KIF17: variants seen among roughly 807,000 people sequenced by gnomAD.
KIF17 encodes the protein kinesin-like protein KIF17.
In KIF17, 80 loss-of-function variants were observed where a neutral mutation model predicts 96.8. That is an observed-to-expected ratio of 0.83 (90% CI 0.69 to 1.00). The LOEUF (loss-of-function observed/expected upper bound fraction) is 1.00, where lower values mean the gene tolerates loss of function less well. Among genes scored for constraint, KIF17 ranks in the 50% least tolerant of loss-of-function variants. The pLI is 0.00. For synonymous variants in KIF17, 567 were observed against 587.5 expected (o/e 0.97, Z 0.51); for missense variants, 1,280 against 1,372.9 (o/e 0.93, Z 1.07).
rs970555538 is a variant in KIF17 at position 20,674,664 on chromosome 1, C to T, written c.2464-2468G>A. On this transcript the variant is annotated intron_variant, in intron 11 of 14. Transcript: ENST00000400463. ...CCAAGGTAGCAAAGATTTACACCTA[C>T]GTTTTCTTCCAAGAGTTTTACAGTT... Among the ~76,000 whole-genome samples the T allele has an allele frequency of 4.0e-5, 6 of 151,456 alleles. No individual in the cohort carries two copies. In the East Asian group the frequency reaches 9.7e-4, roughly 24 times the overall value.
At position 20,710,254 on chromosome 1, in the gene KIF17, G is replaced by A. The variant is rs545376821; in HGVS notation, c.481-426C>T. 6.6e-5 allele frequency among the ~76,000 whole-genome samples: 10 copies of A among 152,326 alleles called. No individual in the cohort carries two copies. The South Asian group carries it at 2.1e-3, about 32-fold the overall frequency. On this transcript the variant is annotated intron_variant, in intron 3 of 14. Coordinates refer to ENST00000400463, the MANE Select transcript of KIF17 (RefSeq NM_001122819.3). The stretch of plus-strand genomic sequence containing the variant: ...GGTGGGTTTCCTTTAGGGAGCTTCA[G>A]ATCCCAGGGGCTGAGCCTGTCGTCA...
At chr1:20,681,478 C>G (rs140852414) in intron 11 of KIF17, among the ~76,000 whole-genome samples, 1 of 151,930 alleles carries the variant, frequency 6.6e-6, no homozygotes, top group Non-Finnish European at 1.5e-5. Flanking sequence ...AGGCGAGAGC[C>G]ACCGCGCCCA....
chr1:20,669,669 C>G (rs570015978), intron 13 of KIF17, among the ~76,000 whole-genome samples: 227 of 149,514 alleles, frequency 1.5e-3, no homozygotes, highest in African/African-American at 5.2e-3. Context: ...GTCAAGAGAT[C>G]GAGACCATCC....
chr1:20,711,954 G>C (rs979262101), intron 3 of KIF17, among the ~76,000 whole-genome samples: 2 of 152,092 alleles, frequency 1.3e-5, no homozygotes, highest in Admixed American at 1.3e-4. Flanking sequence ...GTTTACATGA[G>C]AGCCATCTGC....
chr1:20,694,114 T>G (rs1478609018), intron 6 of KIF17: 1 of 152,126 alleles, frequency 6.6e-6, no homozygotes, highest in Non-Finnish European at 1.5e-5. Context: ...TTTTTTTTTT[T>G]TCAGACAGAG....
Position 20,705,893 on chromosome 1 carries a change from C to CTTTTTTTTTT in KIF17, c.671-1004_671-995dup, listed in dbSNP as rs747719983. On this transcript the variant is annotated intron_variant, in intron 4 of 14. Transcript: ENST00000400463. ...GTCTATAATCCTCAGTAGGATGTCT[C>CTTTTTTTTTT]TTTTTTTTTTTTTTTTTTTTTTTTT... Among the ~76,000 whole-genome samples the CTTTTTTTTTT allele has an allele frequency of 3.4e-4, 18 of 53,566 alleles. 1 individual carries two copies. The highest frequency in any genetic ancestry group is 4.3e-4 in the East Asian group (1 of 2,300). 35.1% of individuals were successfully genotyped at this position (53,566 alleles called of 152,430 possible).
At chr1:20,705,718 T>TGC (rs2054329132) in intron 4 of KIF17, among the ~76,000 whole-genome samples, 1 of 152,076 alleles carries the variant, frequency 6.6e-6, no homozygotes, top group Non-Finnish European at 1.5e-5. Flanking sequence ...CGGAAGCCTC[T>TGC]GGAATCTATC....
rs76507805 is a variant in KIF17 at position 20,704,517 on chromosome 1, G to A, written c.1053C>T (p.Arg351=). The change falls in exon 5 of 15, where the codon CGC becomes CGT. Residue 351 remains arginine, a synonymous_variant. Coordinates refer to ENST00000400463, the MANE Select transcript of KIF17 (RefSeq NM_001122819.3). This position sits in a 1 kb window ranked among gnomAD's most constrained non-coding sequence, Gnocchi z 6.8. ...GCTTCTTGATCTCCTCCTGGTACTCGCGAAGCAGCGCATCCTTGGGGTCCT... is the reference window on the plus strand; with the variant it reads ...GCTTCTTGATCTCCTCCTGGTACTCACGAAGCAGCGCATCCTTGGGGTCCT... The part of the protein sequence containing the change: ...INEDPKDALL[R]EYQEEIKKLK... 237 of 1,614,202 alleles carry A rather than the reference G, an allele frequency of 1.5e-4. 1 individual carries two copies. The East Asian group carries it at 3.4e-3, about 23-fold the overall frequency.
Position 20,666,245 on chromosome 1 carries a change from C to A in KIF17, c.2877G>T (p.Gln959His), listed in dbSNP as rs1157001562. The A allele has an allele frequency of 6.2e-6, 10 of 1,614,076 alleles. No individual in the cohort carries two copies. Among genetic ancestry groups the A allele is most frequent in the Non-Finnish European group, 8.5e-6 (10 of 1,180,006 alleles). Residue 959 changes from glutamine (Q) to histidine (H), a missense_variant, in exon 14 of 15, where the codon CAG (glutamine) becomes CAT (histidine). Coordinates refer to ENST00000400463, the MANE Select transcript of KIF17 (RefSeq NM_001122819.3). ...TCTTCCTGGCGTCTGTGCTGAGGAT[C>A]TGGCTGGCCCGCTTAGATCGGAAGT... is the stretch of plus-strand genomic sequence containing the variant. The part of the protein sequence containing the change: ...SNYFRSKRAS[Q>H]ILSTDARKSL...
intron 4 of KIF17, among the ~76,000 whole-genome samples, chr1:20,707,430 A>G (rs1426126628): frequency 6.6e-6 from 1 of 151,460 alleles, no homozygotes; most frequent in African/African-American, 2.4e-5. Context: ...GGAAACCTAC[A>G]TGGCGTAAGA....
chr1:20,701,369 T>A (rs1304456370), intron 5 of KIF17, among the ~76,000 whole-genome samples: 1 of 152,054 alleles, frequency 6.6e-6, no homozygotes, highest in East Asian at 1.9e-4. Context: ...AGGTGGAGGT[T>A]GCAGTGAGCG....
intron 12 of KIF17, among the ~76,000 whole-genome samples, chr1:20,670,802 G>A (rs553647744): frequency 1.3e-5 from 2 of 152,158 alleles, no homozygotes; most frequent in African/African-American, 4.8e-5. Context: ...GTCTCAGCAG[G>A]GATGGTGTCA....
intron 6 of KIF17, among the ~76,000 whole-genome samples, chr1:20,694,596 A>G (rs1438732759): frequency 6.6e-6 from 1 of 151,990 alleles, no homozygotes; most frequent in African/African-American, 2.4e-5. Context: ...ACCATGTCAT[A>G]CTCCCACCTC....
At chr1:20,684,312 T>C (rs949887571) in intron 10 of KIF17, among the ~76,000 whole-genome samples, 4 of 152,232 alleles carry the variant, frequency 2.6e-5, no homozygotes, top group Admixed American at 6.5e-5. Context: ...TCTCCGCCTG[T>C]TGAACCCCTG....
intron 14 of KIF17, 54 bp downstream of exon 14, chr1:20,666,160 T>A: frequency 7.5e-7 from 1 of 1,339,510 alleles, no homozygotes; most frequent in South Asian, 1.2e-5. Flanking sequence ...AACTATCCCC[T>A]TCACGCCTCT....
At chr1:20,714,398 G>A (rs570423816) in intron 2 of KIF17, among the ~76,000 whole-genome samples, 19 of 152,286 alleles carry the variant, frequency 1.2e-4, no homozygotes, top group Admixed American at 9.8e-4. Flanking sequence ...GCTGAGGCAT[G>A]AGAATTGCTC....
downstream of KIF17, among the ~76,000 whole-genome samples, chr1:20,662,401 A>G (rs1329558387): frequency 6.6e-6 from 1 of 152,190 alleles, no homozygotes; most frequent in African/African-American, 2.4e-5. Flanking sequence ...GTAGAGACAG[A>G]AGGTAGCAGT....
chr1:20,714,592 T>C (rs190415643), intron 2 of KIF17, among the ~76,000 whole-genome samples: 77 of 150,842 alleles, frequency 5.1e-4, no homozygotes, highest in Non-Finnish European at 1.0e-3. Context: ...AGACCAGGAG[T>C]TCAAGACCAA....
At chr1:20,663,216 A>T (rs996556791), downstream of KIF17, among the ~76,000 whole-genome samples, 7 of 152,138 alleles carry the variant, frequency 4.6e-5, no homozygotes, top group Non-Finnish European at 1.0e-4. Context: ...ACAGAGCGAG[A>T]CTCAGTCTCA....
Sources: gnomAD v4.1 joint callset for allele counts (sites outside exome capture counted in the v4.1 genomes callset) on GRCh38, gnomAD v4.1.1 for gene constraint, Gnocchi (gnomAD v3.1) non-coding constraint, MANE v1.5 for transcripts, NCBI Gene and HGNC (gene_info 2026-07-23, HGNC 2026-07-21) for gene names.